KAZN: variants seen among roughly 807,000 people sequenced by gnomAD.
KAZN encodes kazrin, periplakin interacting protein, also known as kazrin.
Under a neutral mutation model 87.4 loss-of-function variants are expected in KAZN, and 40 were observed. The observed-to-expected ratio is 0.46, with a 90% CI of 0.36 to 0.60. The LOEUF is 0.60. Ranked by LOEUF, KAZN falls within the 20% of genes least tolerant of loss-of-function variation. The probability of loss-of-function intolerance (pLI) is 0.00; values close to 1 mark genes in which losing one functional copy is unlikely to be tolerated. For synonymous variants in KAZN, 466 were observed against 458.3 expected (o/e 1.02, Z -0.22); for missense variants, 898 against 1,073.9 (o/e 0.84, Z 2.29).
At chr1:14,697,339 TAAA>T (rs1390842048) in intron 1 of KAZN, among the ~76,000 whole-genome samples, 1 of 150,134 alleles carries the variant, frequency 6.7e-6, no homozygotes, top group Non-Finnish European at 1.5e-5. Flanking sequence ...CCAAAAAAAA[TAAA>T]AAATAAAAAT....
chr1:14,883,992 G>A (rs894092095), intron 1 of KAZN, among the ~76,000 whole-genome samples: 1 of 152,096 alleles, frequency 6.6e-6, no homozygotes, highest in Non-Finnish European at 1.5e-5. Flanking sequence ...GTCTTCTTAG[G>A]TGCCCACAAA....
intron 2 of KAZN, among the ~76,000 whole-genome samples, chr1:14,578,155 C>T (rs1407074099): frequency 1.3e-5 from 2 of 152,028 alleles, no homozygotes; most frequent in Non-Finnish European, 2.9e-5. Context: ...TATAGAATAT[C>T]GGGTCATATC....
At chr1:15,027,063 A>T (rs1242662379) in intron 2 of KAZN, among the ~76,000 whole-genome samples, 18 of 121,896 alleles carry the variant, frequency 1.5e-4, no homozygotes, top group South Asian at 2.9e-4. Flanking sequence ...TTCCCAAGCC[A>T]GTGCTTCTTT....
Position 13,893,835 on chromosome 1 carries a change from G to GTGTGTGTC in KAZN, c.91+91_91+98dup, listed in dbSNP as rs1638930158. On this transcript the variant is annotated intron_variant, in intron 1 of 16. Transcript: ENST00000636203. ...CCCGGGTCCCCAAAAACAGCGGTCTGTGTGTGTCTGTGTGTCTGTCAGTCT... is the reference window on the plus strand; with the variant it reads ...CCCGGGTCCCCAAAAACAGCGGTCTGTGTGTGTCTGTGTGTCTGTGTGTCTGTCAGTCT... 13 of 1,463,300 alleles carry GTGTGTGTC rather than the reference G, an allele frequency of 8.9e-6. No homozygotes were observed. The East Asian group carries it at 3.0e-4, about 34-fold the overall frequency. 90.6% of individuals were successfully genotyped at this position (1,463,300 alleles called of 1,614,324 possible). A position where few individuals can be genotyped will look rare whatever the true frequency, so the allele number is the denominator to read the frequency against.
intron 1 of KAZN, among the ~76,000 whole-genome samples, chr1:14,625,099 T>TC (rs1361905688): frequency 6.6e-6 from 1 of 151,500 alleles, no homozygotes; most frequent in African/African-American, 2.4e-5. Context: ...CCCTGGAGGG[T>TC]CCCCCCCGAC....
chr1:13,931,049 C>A (rs897286623), intron 1 of KAZN, among the ~76,000 whole-genome samples: 2 of 152,170 alleles, frequency 1.3e-5, no homozygotes, highest in Admixed American at 1.3e-4. Context: ...GAAGCAGATC[C>A]CTCAGGTTCC....
intron 2 of KAZN, among the ~76,000 whole-genome samples, chr1:14,188,545 C>T (rs985034094): frequency 6.6e-6 from 1 of 151,894 alleles, no homozygotes; most frequent in Admixed American, 6.6e-5. Context: ...AAGAGTTGTT[C>T]GAATTTCATG....
chr1:14,957,273 G>C (rs1663229828), intron 1 of KAZN, among the ~76,000 whole-genome samples: 1 of 152,316 alleles, frequency 6.6e-6, no homozygotes, highest in South Asian at 2.1e-4. Flanking sequence ...TTTGACCGTG[G>C]GGTCCAGGAG....
chr1:14,651,854 T>C (rs972115351), intron 1 of KAZN, among the ~76,000 whole-genome samples: 6 of 152,222 alleles, frequency 3.9e-5, no homozygotes, highest in African/African-American at 1.4e-4. Flanking sequence ...ATCTGGAAGC[T>C]TCCTACTCGC....
intron 1 of KAZN, among the ~76,000 whole-genome samples, chr1:14,080,994 G>C (rs1233203289): frequency 6.6e-6 from 1 of 152,066 alleles, no homozygotes; most frequent in Non-Finnish European, 1.5e-5. Flanking sequence ...TTAACAGTTT[G>C]AGACCCTTCC....
intron 2 of KAZN, among the ~76,000 whole-genome samples, chr1:14,457,034 C>G (rs557354532): frequency 2.0e-4 from 30 of 152,130 alleles, no homozygotes; most frequent in African/African-American, 7.2e-4. Flanking sequence ...GAGCCAAGAT[C>G]GCACCACTGC....
intron 1 of KAZN, among the ~76,000 whole-genome samples, chr1:14,824,452 G>T (rs1646825280): frequency 6.6e-6 from 1 of 152,188 alleles, no homozygotes; most frequent in East Asian, 1.9e-4. Context: ...GAAGTTAAAG[G>T]AATGGAGAAT....
intron 2 of KAZN, among the ~76,000 whole-genome samples, chr1:14,428,329 C>G (rs1325277986): frequency 6.6e-6 from 1 of 152,162 alleles, no homozygotes; most frequent in Non-Finnish European, 1.5e-5. Flanking sequence ...AGGATATACC[C>G]TCCCCATTCA....
chr1:14,924,797 G>T (rs1658983296), intron 1 of KAZN, among the ~76,000 whole-genome samples: 2 of 152,124 alleles, frequency 1.3e-5, no homozygotes, highest in South Asian at 4.1e-4. Flanking sequence ...TGCACCGGGG[G>T]GCCAGGACCG....
At chr1:14,934,090 T>C (rs981986136) in intron 1 of KAZN, among the ~76,000 whole-genome samples, 6 of 151,590 alleles carry the variant, frequency 4.0e-5, no homozygotes, top group African/African-American at 1.5e-4. Flanking sequence ...CTCCTGACCT[T>C]GTGATCCGCC....
chr1:14,777,223 C>T (rs1183997914), intron 1 of KAZN, among the ~76,000 whole-genome samples: 1 of 151,926 alleles, frequency 6.6e-6, no homozygotes, highest in African/African-American at 2.4e-5. Flanking sequence ...GTCTCGAGCT[C>T]CTGACCTCGT....
chr1:14,022,435 T>C (rs1252878891), intron 1 of KAZN, among the ~76,000 whole-genome samples: 1 of 136,952 alleles, frequency 7.3e-6, no homozygotes, highest in East Asian at 2.1e-4. Flanking sequence ...CTATACTGAG[T>C]ATAGGTCTTG....
At chr1:15,072,621 C>T (rs1319523644) in intron 8 of KAZN, among the ~76,000 whole-genome samples, 2 of 152,246 alleles carry the variant, frequency 1.3e-5, no homozygotes, top group Non-Finnish European at 2.9e-5. Context: ...TTTCCAGACA[C>T]TCACTCGTAT....
intron 3 of KAZN, among the ~76,000 whole-genome samples, chr1:15,042,829 C>T (rs114869168): frequency 0.015 from 2,279 of 152,308 alleles, 46 homozygotes; most frequent in African/African-American, 0.052. Context: ...CCTCTCTCCA[C>T]GGTCCCAGGC....
Sources: allele counts gnomAD v4.1 joint callset (sites outside exome capture counted in the v4.1 genomes callset), GRCh38; gene constraint gnomAD v4.1.1; transcripts MANE v1.5; gene names NCBI Gene and HGNC (gene_info 2026-07-23, HGNC 2026-07-21).